The following KLHL1 variants were observed in gnomAD, a reference collection of about 807,000 sequenced individuals.
KLHL1 encodes kelch-like protein 1.
A neutral mutation model predicts 77.7 loss-of-function variants in KLHL1; 47 were observed. That is an observed-to-expected ratio of 0.60 (90% CI 0.48 to 0.77). KLHL1 has a LOEUF of 0.77. Ranked by LOEUF, KLHL1 falls within the 30% of genes least tolerant of loss-of-function variation. The pLI, the probability that KLHL1 is intolerant of heterozygous loss-of-function variation, is 0.00. For synonymous variants in KLHL1, 360 were observed against 325.2 expected (o/e 1.11, Z -1.15); for missense variants, 925 against 910.8 (o/e 1.02, Z -0.20).
At chr13:69,856,897 G>A (rs887268803) in intron 5 of KLHL1, among the ~76,000 whole-genome samples, 1 of 151,836 alleles carries the variant, frequency 6.6e-6, no homozygotes, top group Non-Finnish European at 1.5e-5. Context: ...CCCTCCCCAA[G>A]ATCATGTCTG....
intron 4 of KLHL1, among the ~76,000 whole-genome samples, chr13:69,936,077 T>G (rs1883179313): frequency 6.6e-6 from 1 of 152,060 alleles, no homozygotes; most frequent in South Asian, 2.1e-4. Flanking sequence ...CCATGAAAAG[T>G]TTAAAGATAT....
At chr13:70,065,541 T>G (rs1201674102) in intron 1 of KLHL1, among the ~76,000 whole-genome samples, 1 of 152,234 alleles carries the variant, frequency 6.6e-6, no homozygotes, top group Admixed American at 6.5e-5. Context: ...CATTCTTTCA[T>G]GTAACTTCAT....
chr13:70,030,894 A>G (rs1239480979), intron 1 of KLHL1, among the ~76,000 whole-genome samples: 1 of 152,206 alleles, frequency 6.6e-6, no homozygotes, highest in Non-Finnish European at 1.5e-5. Context: ...AGACACAATA[A>G]AAAATGATAA....
intron 7 of KLHL1, among the ~76,000 whole-genome samples, chr13:69,774,376 T>C (rs1300800131): frequency 1.3e-5 from 2 of 152,050 alleles, no homozygotes; most frequent in African/African-American, 4.8e-5. Flanking sequence ...TAATATATTA[T>C]ATTTTTGTAT....
intron 8 of KLHL1, among the ~76,000 whole-genome samples, chr13:69,736,680 A>G (rs985885123): frequency 3.7e-5 from 3 of 80,092 alleles, no homozygotes; most frequent in Non-Finnish European, 1.0e-4. Context: ...AGATTGTGAG[A>G]TATATATATG....
At chr13:69,924,187 C>T (rs1052695681) in intron 4 of KLHL1, among the ~76,000 whole-genome samples, 2 of 152,104 alleles carry the variant, frequency 1.3e-5, no homozygotes, top group Non-Finnish European at 2.9e-5. Context: ...AGCCTGGGCA[C>T]CATTGATGAC....
intron 1 of KLHL1, among the ~76,000 whole-genome samples, chr13:69,998,035 T>A (rs939471209): frequency 6.6e-6 from 1 of 151,876 alleles, no homozygotes. Flanking sequence ...CAATACTGTT[T>A]TCTATGGTGA....
At chr13:69,908,095 G>A (rs1395849725) in intron 4 of KLHL1, among the ~76,000 whole-genome samples, 1 of 151,998 alleles carries the variant, frequency 6.6e-6, no homozygotes, top group Admixed American at 6.6e-5. Context: ...TGAGATAGAG[G>A]AATGAGCTCT....
intron 9 of KLHL1, among the ~76,000 whole-genome samples, chr13:69,708,714 T>C (rs1248729086): frequency 6.6e-6 from 1 of 152,082 alleles, no homozygotes; most frequent in East Asian, 1.9e-4. Flanking sequence ...TTAATGAATG[T>C]ACTCTGAATG....
chr13:69,972,934 T>C (rs570665750), intron 2 of KLHL1, among the ~76,000 whole-genome samples: 12 of 152,088 alleles, frequency 7.9e-5, no homozygotes, highest in African/African-American at 2.9e-4. Context: ...AAAAAATTTT[T>C]GATGTTTGAA....
At chr13:70,032,470 T>A (rs1464440208) in intron 1 of KLHL1, among the ~76,000 whole-genome samples, 1 of 152,082 alleles carries the variant, frequency 6.6e-6, no homozygotes, top group Admixed American at 6.6e-5. Context: ...GATCCCAATA[T>A]CATAAAAAAG....
chr13:69,877,504 G>T (rs1309141940), intron 5 of KLHL1, among the ~76,000 whole-genome samples: 2 of 151,784 alleles, frequency 1.3e-5, no homozygotes, highest in South Asian at 2.1e-4. Context: ...TAAAAGGACA[G>T]AAATTTCTAT....
intron 7 of KLHL1, among the ~76,000 whole-genome samples, chr13:69,761,419 T>C (rs891604895): frequency 1.3e-5 from 2 of 152,162 alleles, no homozygotes; most frequent in African/African-American, 4.8e-5. Context: ...GGTTACAGTT[T>C]ACTAGGTATG....
chr13:69,899,340 G>A (rs1485551764), intron 4 of KLHL1, among the ~76,000 whole-genome samples: 1 of 152,122 alleles, frequency 6.6e-6, no homozygotes, highest in African/African-American at 2.4e-5. Flanking sequence ...GGATAAGAAT[G>A]CTGGGAAAAG....
intron 1 of KLHL1, among the ~76,000 whole-genome samples, chr13:70,072,403 A>C (rs1887157143): frequency 6.6e-6 from 1 of 152,160 alleles, no homozygotes; most frequent in Admixed American, 6.5e-5. Flanking sequence ...TTCATTTTTG[A>C]AAATTGAAGA....
At chr13:70,060,655 C>T (rs1451536105) in intron 1 of KLHL1, among the ~76,000 whole-genome samples, 2 of 151,892 alleles carry the variant, frequency 1.3e-5, no homozygotes, top group African/African-American at 2.4e-5. Flanking sequence ...ACCAGCCTGG[C>T]CAACGTGGTG....
At chr13:70,095,231 TGCACCACTTCC>T in intron 1 of KLHL1, among the ~76,000 whole-genome samples, 1 of 152,288 alleles carries the variant, frequency 6.6e-6, no homozygotes, top group East Asian at 1.9e-4. Flanking sequence ...AAGAGGCTTT[TGCACCACTTCC>T]AGAATAAAAT....
chr13:69,785,555 C>T (rs1876491760), intron 7 of KLHL1, among the ~76,000 whole-genome samples: 1 of 151,186 alleles, frequency 6.6e-6, no homozygotes. Context: ...CAAGAGAAAG[C>T]AGGAAAGATC....
chr13:69,776,790 G>T (rs1875848676), intron 7 of KLHL1, among the ~76,000 whole-genome samples: 1 of 152,022 alleles, frequency 6.6e-6, no homozygotes, highest in African/African-American at 2.4e-5. Context: ...AAATTGAGGT[G>T]GTAACTTCTG....
Sources: gnomAD v4.1 joint callset for allele counts (sites outside exome capture counted in the v4.1 genomes callset) on GRCh38, gnomAD v4.1.1 for gene constraint, MANE v1.5 for transcripts, NCBI Gene and HGNC (gene_info 2026-07-23, HGNC 2026-07-21) for gene names.